The following COL5A2 variants were observed in gnomAD, a reference collection of about 807,000 sequenced individuals.
The protein encoded by COL5A2 is collagen alpha-2(V) chain.
In COL5A2, 23 loss-of-function variants were observed where a neutral mutation model predicts 208.2. The observed-to-expected ratio is 0.11, with a 90% CI of 0.08 to 0.16. The LOEUF (loss-of-function observed/expected upper bound fraction) is 0.16, where lower values mean the gene tolerates loss of function less well. COL5A2 is among the 10% of genes least tolerant of loss of function. The probability of loss-of-function intolerance (pLI) is 1.00; values close to 1 mark genes in which losing one functional copy is unlikely to be tolerated. For synonymous variants in COL5A2, 625 were observed against 628.5 expected, an observed-to-expected ratio of 0.99 and a Z score of 0.08; for missense variants, 1,590 against 1,956.4, an observed-to-expected ratio of 0.81 and a Z score of 3.53.
the COL5A2 span, among the ~76,000 whole-genome samples, chr2:189,283,414 A>G: frequency 6.6e-6 from 1 of 152,114 alleles, no homozygotes; most frequent in Non-Finnish European, 1.5e-5. Context: ...CTTCCTCCCA[A>G]GAACTCATAA....
the COL5A2 span, among the ~76,000 whole-genome samples, chr2:189,432,889 C>T: frequency 2.6e-4 from 40 of 152,234 alleles, no homozygotes; most frequent in South Asian, 8.3e-4. Flanking sequence ...TTATTCTCTG[C>T]GCCACATCGC....
At chr2:189,158,243 C>T (rs1359053987) in intron 1 of COL5A2, among the ~76,000 whole-genome samples, 1 of 151,874 alleles carries the variant, frequency 6.6e-6, no homozygotes, top group African/African-American at 2.4e-5. Context: ...ATTATTATTA[C>T]ATAAAGGATT....
chr2:189,065,771 C>T (rs969028158), intron 23 of COL5A2, among the ~76,000 whole-genome samples: 7 of 152,196 alleles, frequency 4.6e-5, no homozygotes, highest in African/African-American at 1.7e-4. Flanking sequence ...GCTCCAGTCA[C>T]AGCTACCTCT....
At chr2:189,170,999 G>T (rs1337036856) in intron 1 of COL5A2, among the ~76,000 whole-genome samples, 1 of 152,140 alleles carries the variant, frequency 6.6e-6, no homozygotes, top group Non-Finnish European at 1.5e-5. Context: ...CATGGCAGAG[G>T]TGTACTGACT....
In COL5A2 at chr2:189,203,369, G is replaced by A. The variant is rs1029001359; in HGVS notation, c.-42+21779C>T. On this transcript the variant is annotated intron_variant, in intron 1 of 10. Coordinates refer to the COL5A2 transcript ENST00000649966. Reference sequence around the variant, plus strand: ...TGGAGTGGTAGAATTACAGGGAGCAGACCAGTATTTGCTTTGGCAGATGTG... The same window carrying A: ...TGGAGTGGTAGAATTACAGGGAGCAAACCAGTATTTGCTTTGGCAGATGTG... Among the ~76,000 whole-genome samples, 7 of 152,190 alleles carry A rather than the reference G, an allele frequency of 4.6e-5. No individual in the cohort carries two copies. The South Asian group carries it at 6.2e-4, about 13-fold the overall frequency.
chr2:189,277,471 G>A, the COL5A2 span, among the ~76,000 whole-genome samples: 21 of 152,038 alleles, frequency 1.4e-4, no homozygotes, highest in African/African-American at 4.6e-4. Flanking sequence ...AATTGTTGCC[G>A]CTCTCTATAC....
intron 17 of COL5A2, among the ~76,000 whole-genome samples, chr2:189,072,311 G>A (rs1044674727): frequency 5.3e-5 from 8 of 152,104 alleles, no homozygotes; most frequent in Non-Finnish European, 1.0e-4. Flanking sequence ...AACATAATTG[G>A]ATTACTCAAA....
At chr2:189,109,369 C>A (rs1388928930) in intron 2 of COL5A2, among the ~76,000 whole-genome samples, 2 of 151,746 alleles carry the variant, frequency 1.3e-5, no homozygotes, top group Admixed American at 6.6e-5. Flanking sequence ...TGTTTCTGTT[C>A]AAGAAGCAGA....
intron 51 of COL5A2, among the ~76,000 whole-genome samples, chr2:189,037,183 T>C (rs990779875): frequency 2.6e-5 from 4 of 152,170 alleles, no homozygotes; most frequent in Non-Finnish European, 5.9e-5. Flanking sequence ...ATGTAAATAA[T>C]GTAATAAAAT....
At chr2:189,272,375 G>A in the COL5A2 span, among the ~76,000 whole-genome samples, 1 of 151,990 alleles carries the variant, frequency 6.6e-6, no homozygotes, top group Non-Finnish European at 1.5e-5. Flanking sequence ...CATGAATGAA[G>A]CTGGAAACCA....
At chr2:189,105,468 G>A (rs369935577) in intron 2 of COL5A2, among the ~76,000 whole-genome samples, 1 of 151,374 alleles carries the variant, frequency 6.6e-6, no homozygotes, top group African/African-American at 2.4e-5. Context: ...AAATTTGACA[G>A]TTTTGTCATA....
chr2:189,416,999 T>C, the COL5A2 span, among the ~76,000 whole-genome samples: 1 of 152,196 alleles, frequency 6.6e-6, no homozygotes, highest in Non-Finnish European at 1.5e-5. Context: ...AATTTGTTTA[T>C]GGTGTTTTTG....
intron 1 of COL5A2, among the ~76,000 whole-genome samples, chr2:189,190,345 T>G (rs375021379): frequency 6.6e-6 from 1 of 152,208 alleles, no homozygotes; most frequent in East Asian, 1.9e-4. Context: ...ATGTGCCTTG[T>G]CTTCCCTTTC....
At chr2:189,407,512 G>C in the COL5A2 span, among the ~76,000 whole-genome samples, 23 of 152,182 alleles carry the variant, frequency 1.5e-4, no homozygotes, top group African/African-American at 5.5e-4. Flanking sequence ...TACATTATTT[G>C]GCTTTGTTTT....
chr2:189,109,614 A>G (rs1395377857), intron 2 of COL5A2, among the ~76,000 whole-genome samples: 1 of 152,224 alleles, frequency 6.6e-6, no homozygotes, highest in African/African-American at 2.4e-5. Context: ...TATCTTTAAA[A>G]TATGTACTCA....
At chr2:189,175,046 G>A (rs1259668346) in intron 1 of COL5A2, among the ~76,000 whole-genome samples, 4 of 152,126 alleles carry the variant, frequency 2.6e-5, no homozygotes, top group African/African-American at 7.2e-5. Context: ...CATTGAAACC[G>A]TAAGATCTAG....
At chr2:189,435,964 T>A in the COL5A2 span, among the ~76,000 whole-genome samples, 6 of 152,174 alleles carry the variant, frequency 3.9e-5, no homozygotes, top group Non-Finnish European at 7.3e-5. Flanking sequence ...TAAGAAAATG[T>A]GGCACATATA....
chr2:189,299,665 G>A, the COL5A2 span, among the ~76,000 whole-genome samples: 1 of 152,120 alleles, frequency 6.6e-6, no homozygotes, highest in Admixed American at 6.6e-5. Context: ...TTTTTATGCT[G>A]TTCCTGGGCT....
the COL5A2 span, among the ~76,000 whole-genome samples, chr2:189,364,199 A>G: frequency 2.0e-5 from 3 of 152,228 alleles, no homozygotes; most frequent in African/African-American, 7.2e-5. Flanking sequence ...CAGAATGTCC[A>G]GGTTTCTTGG....
Sources: allele counts gnomAD v4.1 joint callset (sites outside exome capture counted in the v4.1 genomes callset), GRCh38; gene constraint gnomAD v4.1.1; transcripts MANE v1.5; gene names NCBI Gene and HGNC (gene_info 2026-07-23, HGNC 2026-07-21).